The following CPS1 variants were observed in gnomAD, a reference collection of about 807,000 sequenced individuals.
CPS1 encodes the protein carbamoyl-phosphate synthase [ammonia], mitochondrial.
In CPS1, 109 loss-of-function variants were observed where a neutral mutation model predicts 174.6. The observed-to-expected ratio is 0.62, with a 90% CI of 0.53 to 0.73. The LOEUF (loss-of-function observed/expected upper bound fraction) is 0.73, where lower values mean the gene tolerates loss of function less well. Among genes scored for constraint, CPS1 ranks in the 30% least tolerant of loss-of-function variants. CPS1 has a pLI of 0.00. For synonymous variants in CPS1, 637 were observed against 632.0 expected, an observed-to-expected ratio of 1.01 and a Z score of -0.12; for missense variants, 1,689 against 1,821.9, an observed-to-expected ratio of 0.93 and a Z score of 1.33.
chr2:210,614,856 G>C (rs973940759), intron 20 of CPS1, among the ~76,000 whole-genome samples: 1 of 151,694 alleles, frequency 6.6e-6, no homozygotes, highest in Non-Finnish European at 1.5e-5. Flanking sequence ...AGCACAGGGA[G>C]GGGAACATTT....
chr2:210,576,481 T>C lies in CPS1; in HGVS notation c.372T>C (p.Asn124=), dbSNP rs1478199370. The change falls in exon 3 of 38, where the codon AAT becomes AAC. Residue 124 remains asparagine (N), a synonymous_variant. Transcript: ENST00000233072. ...GACTTAGCAAATATTTGGAGTCTAA[T>C]GGAATCAAGGTAGTACCAGTGGTGG... ...ELGLSKYLES[N]GIKVSGLLVL... 1 of 1,613,484 alleles carries C rather than the reference T, an allele frequency of 6.2e-7. No homozygotes were observed. The highest frequency in any genetic ancestry group is 8.5e-7 in the Non-Finnish European group (1 of 1,179,604).
intron 34 of CPS1, among the ~76,000 whole-genome samples, chr2:210,670,148 G>A (rs2105935661): frequency 6.6e-6 from 1 of 152,168 alleles, no homozygotes; most frequent in Non-Finnish European, 1.5e-5. Flanking sequence ...AAATGTTCTA[G>A]CAGCTACATG....
intron 1 of CPS1, among the ~76,000 whole-genome samples, chr2:210,529,746 T>G (rs1009854693): frequency 1.3e-5 from 2 of 152,020 alleles, no homozygotes; most frequent in Non-Finnish European, 2.9e-5. Flanking sequence ...ATAAGTGACC[T>G]TATTGTGGAG....
intron 31 of CPS1, 119 bp downstream of exon 31, chr2:210,658,807 C>T: frequency 2.7e-6 from 2 of 743,324 alleles, no homozygotes; most frequent in Non-Finnish European, 4.8e-6. Context: ...ACCCCTGGAT[C>T]TGTTTGTGTC....
Position 210,660,614 on chromosome 2 carries a change from T to C in CPS1, c.3886T>C (p.Leu1296=), listed in dbSNP as rs763535883. Residue 1296 remains leucine (L), a synonymous_variant, in exon 32 of 38, where the codon TTG becomes CTG. Coordinates refer to ENST00000233072, the MANE Select transcript of CPS1 (RefSeq NM_001875.5). The part of the protein sequence containing the change: ...ENVDEKHLPT[L]DHPIIPADYV... ...TGTTGATGAGAAACATCTTCCAACA[T>C]TGGACCATCCCATAATTCCTGCTGA... 4 of 1,614,172 alleles carry C rather than the reference T, an allele frequency of 2.5e-6. No homozygotes were observed. The South Asian group carries it at 3.3e-5, about 13-fold the overall frequency.
At chr2:210,604,989 G>A in intron 16 of CPS1, 113 bp from the exon 17 acceptor site, 3 of 1,140,208 alleles carry the variant, frequency 2.6e-6, no homozygotes, top group Non-Finnish European at 3.9e-6. Flanking sequence ...AATGGAGACG[G>A]GGTTTGAGAG....
At chr2:210,527,573 A>G (rs1271138315) in intron 1 of CPS1, among the ~76,000 whole-genome samples, 1 of 151,958 alleles carries the variant, frequency 6.6e-6, no homozygotes, top group Non-Finnish European at 1.5e-5. Context: ...CAATTTCCTC[A>G]GGAAGTGTTT....
Position 210,668,270 on chromosome 2 carries a change from C to G in CPS1, c.4087C>G (p.Leu1363Val). The part of the protein sequence containing the change: ...TGFKIPQKGI[L>V]IGIQQSFRPR... The stretch of plus-strand genomic sequence containing the variant: ...ATTTAAGATACCCCAGAAAGGCATC[C>G]TGATAGGCATCCAGGTAAGTGGTTT... Residue 1363 changes from leucine (L) to valine (V), a missense_variant, in exon 34 of 38, where the codon CTG becomes GTG. Coordinates refer to ENST00000233072, the MANE Select transcript of CPS1 (RefSeq NM_001875.5). 1.2e-6 allele frequency: 2 copies of G among 1,612,898 alleles called. No homozygotes were observed. Among genetic ancestry groups the G allele is most frequent in the Non-Finnish European group, 1.7e-6 (2 of 1,178,938 alleles).
chr2:210,499,894 G>A (rs1695097623), intron 1 of CPS1, among the ~76,000 whole-genome samples: 1 of 152,102 alleles, frequency 6.6e-6, no homozygotes, highest in African/African-American at 2.4e-5. Context: ...GGGGATTCGT[G>A]TTGTATTAGT....
intron 3 of CPS1, 37 bp from the exon 4 acceptor site, chr2:210,577,384 G>A (rs910289060): frequency 6.7e-7 from 1 of 1,490,646 alleles, no homozygotes; most frequent in Non-Finnish European, 9.4e-7. Context: ...ATAATATCTT[G>A]TGATAACCTC....
chr2:210,591,815 C>G lies in CPS1; in HGVS notation c.948-16C>G, dbSNP rs1421314563. The G allele has an allele frequency of 6.2e-7, 1 of 1,611,024 alleles. No individual in the cohort carries two copies. Among genetic ancestry groups the G allele is most frequent in the African/African-American group, 1.3e-5 (1 of 74,838 alleles). On this transcript the variant is annotated splice_polypyrimidine_tract_variant and intron_variant, in intron 9 of 37. Coordinates refer to ENST00000233072, the MANE Select transcript of CPS1 (RefSeq NM_001875.5). ...ACTTTTCCTTTTCCCTATTCTTTTTCTCCTTTTCTCTCCAGAGGGCAGAAT... is the reference window on the plus strand; with the variant it reads ...ACTTTTCCTTTTCCCTATTCTTTTTGTCCTTTTCTCTCCAGAGGGCAGAAT...
chr2:210,573,482 A>C, intron 2 of CPS1, 75 bp downstream of exon 2: 1 of 1,143,930 alleles, frequency 8.7e-7, no homozygotes, highest in Non-Finnish European at 1.3e-6. Context: ...CATGGTGGTA[A>C]GTTGAAATCA....
chr2:210,615,374 C>T (rs1006919243), intron 20 of CPS1, among the ~76,000 whole-genome samples: 30 of 152,064 alleles, frequency 2.0e-4, no homozygotes, highest in African/African-American at 7.0e-4. Flanking sequence ...CTCTAGTCAA[C>T]AAAATTATGA....
At chr2:210,612,511 G>A (rs1054469035) in intron 20 of CPS1, among the ~76,000 whole-genome samples, 1 of 151,792 alleles carries the variant, frequency 6.6e-6, no homozygotes, top group African/African-American at 2.4e-5. Context: ...TTTAAGCCTG[G>A]ATTTAAGGGC....
chr2:210,523,723 C>T (rs1396223121), intron 1 of CPS1, among the ~76,000 whole-genome samples: 1 of 151,816 alleles, frequency 6.6e-6, no homozygotes, highest in East Asian at 1.9e-4. Flanking sequence ...TTTCTTTATC[C>T]AATAATCCAA....
At chr2:210,601,413 C>A (rs75782806) in intron 15 of CPS1, among the ~76,000 whole-genome samples, 3,226 of 152,030 alleles carry the variant, frequency 0.021, 100 homozygotes, top group Middle Eastern at 0.068. Flanking sequence ...GCAGGTACTG[C>A]TGGGACAACT....
At chr2:210,575,045 C>T (rs1230051260) in intron 2 of CPS1, among the ~76,000 whole-genome samples, 15 of 151,928 alleles carry the variant, frequency 9.9e-5, no homozygotes, top group African/African-American at 3.6e-4. Flanking sequence ...ATATTGTGGG[C>T]AAGCCTTGGT....
intron 21 of CPS1, among the ~76,000 whole-genome samples, chr2:210,633,254 T>C (rs903469896): frequency 2.6e-5 from 4 of 152,156 alleles, no homozygotes; most frequent in Non-Finnish European, 5.9e-5. Context: ...TTAGTCTTAG[T>C]GACAGATGGC....
chr2:210,618,473 C>T (rs181215111), intron 21 of CPS1: 10 of 152,070 alleles, frequency 6.6e-5, no homozygotes, highest in Non-Finnish European at 1.2e-4. Context: ...AGATGATCCA[C>T]GGCGTTAGCA....
Sources: gnomAD v4.1 joint callset for allele counts (sites outside exome capture counted in the v4.1 genomes callset) on GRCh38, gnomAD v4.1.1 for gene constraint, MANE v1.5 for transcripts, NCBI Gene and HGNC (gene_info 2026-07-23, HGNC 2026-07-21) for gene names.